The following CPQ variants were observed in gnomAD, a reference collection of about 807,000 sequenced individuals.
CPQ encodes the protein carboxypeptidase Q.
In CPQ, 37 loss-of-function variants were observed where a neutral mutation model predicts 45.7. The observed-to-expected ratio is 0.81, with a 90% CI of 0.62 to 1.07. CPQ has a LOEUF of 1.07. CPQ is among the 50% of genes least tolerant of loss of function. The pLI is 0.00. For synonymous variants in CPQ, 186 were observed against 205.8 expected (o/e 0.90, Z 0.82); for missense variants, 537 against 572.9 (o/e 0.94, Z 0.64).
At chr8:96,740,092 G>A (rs1810061664) in intron 1 of CPQ, among the ~76,000 whole-genome samples, 1 of 152,020 alleles carries the variant, frequency 6.6e-6, no homozygotes, top group Non-Finnish European at 1.5e-5. Context: ...TCCTACCCAT[G>A]AGCATGGAAT....
intron 2 of CPQ, among the ~76,000 whole-genome samples, chr8:96,806,669 T>C (rs1435837459): frequency 6.6e-6 from 1 of 152,210 alleles, no homozygotes; most frequent in East Asian, 1.9e-4. Flanking sequence ...ATTTAAATGA[T>C]ATTAAAGAAC....
At chr8:96,687,803 TTTTTAAG>T (rs1486123715) in intron 1 of CPQ, among the ~76,000 whole-genome samples, 2 of 152,138 alleles carry the variant, frequency 1.3e-5, no homozygotes, top group African/African-American at 4.8e-5. Context: ...GGGTTTGTTA[TTTTTAAG>T]TTTTATTACA....
chr8:96,997,879 T>A (rs1809203595), intron 5 of CPQ, among the ~76,000 whole-genome samples: 1 of 152,020 alleles, frequency 6.6e-6, no homozygotes, highest in Admixed American at 6.6e-5. Flanking sequence ...CTGGTGCTAG[T>A]TAGCATCCGA....
chr8:96,939,734 C>T (rs1175892333), intron 4 of CPQ, among the ~76,000 whole-genome samples: 1 of 152,084 alleles, frequency 6.6e-6, no homozygotes, highest in Non-Finnish European at 1.5e-5. Context: ...ACTTTTGGGT[C>T]ATTTCCAGTT....
At chr8:96,658,990 G>A (rs1389918924) in intron 1 of CPQ, among the ~76,000 whole-genome samples, 1 of 152,192 alleles carries the variant, frequency 6.6e-6, no homozygotes, top group Non-Finnish European at 1.5e-5. Flanking sequence ...GTGGTATTTT[G>A]TTACAGCAGA....
chr8:97,102,671 G>A (rs1811333996), intron 7 of CPQ, among the ~76,000 whole-genome samples: 1 of 152,054 alleles, frequency 6.6e-6, no homozygotes, highest in South Asian at 2.1e-4. Context: ...TGTAAAATGA[G>A]ATTAAAAACA....
chr8:96,821,021 C>A (rs1275011845), intron 2 of CPQ, among the ~76,000 whole-genome samples: 1 of 151,102 alleles, frequency 6.6e-6, no homozygotes, highest in Non-Finnish European at 1.5e-5. Flanking sequence ...ATTTGCATTT[C>A]TCTGATGATT....
At chr8:96,678,289 C>T (rs1318491906) in intron 1 of CPQ, among the ~76,000 whole-genome samples, 1 of 151,954 alleles carries the variant, frequency 6.6e-6, no homozygotes, top group African/African-American at 2.4e-5. Flanking sequence ...AATATTGGTT[C>T]CACCTATCCA....
intron 1 of CPQ, among the ~76,000 whole-genome samples, chr8:96,707,441 G>A (rs561323275): frequency 4.6e-5 from 7 of 152,016 alleles, no homozygotes; most frequent in South Asian, 2.1e-4. Context: ...ACACAAATTC[G>A]TTAACTTTCT....
intron 7 of CPQ, among the ~76,000 whole-genome samples, chr8:97,093,131 CCAGT>C (rs1168295413): frequency 6.6e-6 from 1 of 152,122 alleles, no homozygotes; most frequent in African/African-American, 2.4e-5. Flanking sequence ...CCGTCTCACA[CCAGT>C]CAGAGTGGCT....
At chr8:96,757,613 A>G (rs1006586825) in intron 1 of CPQ, among the ~76,000 whole-genome samples, 21 of 151,518 alleles carry the variant, frequency 1.4e-4, no homozygotes, top group African/African-American at 5.1e-4. Context: ...TTATATTTTC[A>G]TATTTTAGCC....
intron 1 of CPQ, among the ~76,000 whole-genome samples, chr8:96,771,255 C>T (rs898543690): frequency 2.0e-5 from 3 of 151,480 alleles, no homozygotes; most frequent in African/African-American, 7.3e-5. Flanking sequence ...AATAGAGATT[C>T]TATTGTGCTC....
intron 1 of CPQ, among the ~76,000 whole-genome samples, chr8:96,693,768 TG>T (rs1809335611): frequency 6.6e-6 from 1 of 152,158 alleles, no homozygotes; most frequent in African/African-American, 2.4e-5. Flanking sequence ...AGAAATCATC[TG>T]AAGGCAAAGG....
At chr8:96,757,474 C>T (rs1810342758) in intron 1 of CPQ, among the ~76,000 whole-genome samples, 1 of 151,068 alleles carries the variant, frequency 6.6e-6, no homozygotes, top group Non-Finnish European at 1.5e-5. Context: ...AAGCCTGAGG[C>T]CAAGTTTATT....
intron 1 of CPQ, among the ~76,000 whole-genome samples, chr8:96,782,396 C>T (rs1466008134): frequency 1.3e-5 from 2 of 152,244 alleles, no homozygotes. Flanking sequence ...GGCACTGCAC[C>T]AGAATGTGGG....
chr8:96,775,686 C>A (rs1215595347), intron 1 of CPQ, among the ~76,000 whole-genome samples: 3 of 152,166 alleles, frequency 2.0e-5, no homozygotes, highest in African/African-American at 7.2e-5. Context: ...CATTCAAGGC[C>A]AAGGTAATAG....
chr8:96,860,523 C>T (rs1468175537), intron 3 of CPQ, among the ~76,000 whole-genome samples: 1 of 152,074 alleles, frequency 6.6e-6, no homozygotes, highest in Non-Finnish European at 1.5e-5. Flanking sequence ...AGTTTCTTTC[C>T]TTGGCAGACC....
At chr8:96,958,146 C>T (rs2130349797) in intron 4 of CPQ, among the ~76,000 whole-genome samples, 1 of 152,144 alleles carries the variant, frequency 6.6e-6, no homozygotes, top group Admixed American at 6.6e-5. Context: ...CGGCCTTCTT[C>T]TTTTCTAAAA....
intron 4 of CPQ, among the ~76,000 whole-genome samples, chr8:96,906,003 A>G (rs1378249528): frequency 6.6e-6 from 1 of 152,196 alleles, no homozygotes; most frequent in Non-Finnish European, 1.5e-5. Flanking sequence ...ATTGTCTAGA[A>G]TAATACTCTG....
Sources: allele counts gnomAD v4.1 joint callset (sites outside exome capture counted in the v4.1 genomes callset), GRCh38; gene constraint gnomAD v4.1.1; transcripts MANE v1.5; gene names NCBI Gene and HGNC (gene_info 2026-07-23, HGNC 2026-07-21).